Variants in ARMC2 observed in about 807,000 individuals in gnomAD.
ARMC2 encodes the protein armadillo repeat-containing protein 2.
In ARMC2, 67 loss-of-function variants were observed where a neutral mutation model predicts 90.3. The observed-to-expected ratio is 0.74, with a 90% CI of 0.61 to 0.91. The LOEUF is 0.91. Among genes scored for constraint, ARMC2 ranks in the 40% least tolerant of loss-of-function variants. The pLI is 0.00. For synonymous variants in ARMC2, 393 were observed against 393.0 expected (o/e 1.00, Z 0.00); for missense variants, 920 against 1,030.9 (o/e 0.89, Z 1.47).
chr6:108,882,403 C>T (rs1425378081), intron 5 of ARMC2, among the ~76,000 whole-genome samples: 1 of 149,476 alleles, frequency 6.7e-6, no homozygotes, highest in African/African-American at 2.5e-5. Flanking sequence ...CATGCCACTG[C>T]ACTCCAGCCT....
chr6:108,952,469 G>A (rs1370063304), intron 12 of ARMC2, among the ~76,000 whole-genome samples: 1 of 150,560 alleles, frequency 6.6e-6, no homozygotes, highest in Non-Finnish European at 1.5e-5. Flanking sequence ...CTCCACAGGG[G>A]GCAATTTTGG....
chr6:108,873,570 G>A (rs954872876), intron 4 of ARMC2, among the ~76,000 whole-genome samples: 1 of 152,112 alleles, frequency 6.6e-6, no homozygotes, highest in Non-Finnish European at 1.5e-5. Flanking sequence ...ATGGAAATGT[G>A]GGGCCCTTTG....
the ARMC2 span, among the ~76,000 whole-genome samples, chr6:108,980,335 A>C: frequency 6.6e-6 from 1 of 152,108 alleles, no homozygotes; most frequent in Non-Finnish European, 1.5e-5. Context: ...AGAACAGCAA[A>C]TATTGCTGCC....
At chr6:108,950,322 A>G (rs1777088183) in intron 12 of ARMC2, among the ~76,000 whole-genome samples, 2 of 152,256 alleles carry the variant, frequency 1.3e-5, no homozygotes, top group Admixed American at 1.3e-4. Flanking sequence ...ACACATGCAT[A>G]CATTTGTTGA....
At chr6:109,046,662 A>C in the ARMC2 span, among the ~76,000 whole-genome samples, 2 of 122,794 alleles carry the variant, frequency 1.6e-5, no homozygotes, top group Admixed American at 1.6e-4. Context: ...AGCCGCCATC[A>C]CATCTAGGAA....
At chr6:109,050,983 G>A in the ARMC2 span, among the ~76,000 whole-genome samples, 1 of 152,132 alleles carries the variant, frequency 6.6e-6, no homozygotes. Context: ...GGTTAAAGTT[G>A]TTCAATTAGC....
At chr6:108,982,605 C>T in the ARMC2 span, among the ~76,000 whole-genome samples, 3 of 152,180 alleles carry the variant, frequency 2.0e-5, no homozygotes, top group African/African-American at 7.2e-5. Flanking sequence ...ATAAGTGTTC[C>T]AATTTCCCCA....
chr6:108,863,571 A>G (rs1238957850), intron 3 of ARMC2, among the ~76,000 whole-genome samples: 1 of 152,216 alleles, frequency 6.6e-6, no homozygotes, highest in Non-Finnish European at 1.5e-5. Context: ...ACACAGAGAT[A>G]ACTGCTCTCT....
intron 4 of ARMC2, among the ~76,000 whole-genome samples, chr6:108,871,753 G>A (rs1776438932): frequency 6.6e-6 from 1 of 152,114 alleles, no homozygotes; most frequent in African/African-American, 2.4e-5. Context: ...CCTGCCTGTT[G>A]TCTGCATGCT....
intron 6 of ARMC2, among the ~76,000 whole-genome samples, chr6:108,896,093 T>C (rs1347265466): frequency 1.3e-5 from 2 of 152,228 alleles, no homozygotes; most frequent in Non-Finnish European, 2.9e-5. Context: ...ATTGGGAATT[T>C]CTTTACTCAG....
At chr6:108,960,692 G>A (rs1277393152) in intron 13 of ARMC2, among the ~76,000 whole-genome samples, 3 of 152,234 alleles carry the variant, frequency 2.0e-5, no homozygotes, top group East Asian at 1.9e-4. Flanking sequence ...GGGAGGTTAC[G>A]GAAAGTATGT....
chr6:109,026,208 A>AAGAAAC, the ARMC2 span, among the ~76,000 whole-genome samples: 1 of 152,200 alleles, frequency 6.6e-6, no homozygotes, highest in Admixed American at 6.5e-5. Flanking sequence ...CATAAAGTGA[A>AAGAAAC]AGAAACACAT....
chr6:108,973,355 AG>A lies in ARMC2; in HGVS notation c.2447-1del. 6.2e-7 allele frequency: 1 copy of A among 1,604,506 alleles called. No individual in the cohort carries two copies. The highest frequency in any genetic ancestry group is 8.5e-7 in the Non-Finnish European group (1 of 1,175,508). On this transcript the variant is annotated splice_acceptor_variant, in intron 17 of 17. Transcript: ENST00000392644. LOFTEE classifies it high-confidence loss of function. ...GCTGTAATTTAAATTTTTCTAATAC[AG>A]ATGAAGAACTAGCACTGGATGGCAG... is the stretch of plus-strand genomic sequence containing the variant.
At chr6:108,963,076 A>T (rs1411153187) in intron 15 of ARMC2, among the ~76,000 whole-genome samples, 1 of 152,182 alleles carries the variant, frequency 6.6e-6, no homozygotes, top group African/African-American at 2.4e-5. Flanking sequence ...AAAGATTATA[A>T]TTGGACCTAT....
At chr6:108,959,656 C>T (rs1403515275) in intron 13 of ARMC2, 2 of 151,818 alleles carry the variant, frequency 1.3e-5, no homozygotes, top group Non-Finnish European at 2.9e-5. Context: ...TCTCTGATTG[C>T]CCAGCTCTTT....
At chr6:109,004,006 C>T in the ARMC2 span, among the ~76,000 whole-genome samples, 1 of 152,036 alleles carries the variant, frequency 6.6e-6, no homozygotes, top group Non-Finnish European at 1.5e-5. Flanking sequence ...AGACTTGGGA[C>T]TTTAGTATAC....
the ARMC2 span, among the ~76,000 whole-genome samples, chr6:109,020,644 A>G: frequency 6.6e-6 from 1 of 151,392 alleles, no homozygotes; most frequent in African/African-American, 2.4e-5. Context: ...TGGAGAGAAG[A>G]AGGTTTTCAG....
the ARMC2 span, among the ~76,000 whole-genome samples, chr6:109,026,273 G>T: frequency 2.0e-4 from 30 of 152,250 alleles, no homozygotes; most frequent in Middle Eastern, 0.02. Flanking sequence ...CTGAAGGAGT[G>T]TCAGTTCAGG....
chr6:108,907,821 C>T, intron 8 of ARMC2: 2 of 1,611,120 alleles, frequency 1.2e-6, no homozygotes, highest in African/African-American at 1.3e-5. Flanking sequence ...GGCAGCTCCC[C>T]CAGTTTGACC....
Sources: gnomAD v4.1 joint callset for allele counts (sites outside exome capture counted in the v4.1 genomes callset) on GRCh38, gnomAD v4.1.1 for gene constraint, MANE v1.5 for transcripts, NCBI Gene and HGNC (gene_info 2026-07-23, HGNC 2026-07-21) for gene names.